RIF1: variants seen among roughly 807,000 people sequenced by gnomAD.
The protein encoded by RIF1 is telomere-associated protein RIF1.
In RIF1, 45 loss-of-function variants were observed where a neutral mutation model predicts 247.1. That is an observed-to-expected ratio of 0.18 (90% CI 0.14 to 0.23). RIF1 has a LOEUF of 0.23. Among genes scored for constraint, RIF1 ranks in the 10% least tolerant of loss-of-function variants. The probability of loss-of-function intolerance (pLI) is 1.00; values close to 1 mark genes in which losing one functional copy is unlikely to be tolerated. For synonymous variants in RIF1, 1,087 were observed against 978.8 expected (o/e 1.11, Z -2.06); for missense variants, 2,967 against 2,862.5 (o/e 1.04, Z -0.83).
chr2:151,482,961 G>A (rs1163085489), downstream of RIF1, among the ~76,000 whole-genome samples: 1 of 151,994 alleles, frequency 6.6e-6, no homozygotes, highest in African/African-American at 2.4e-5. Context: ...TTCTACCTAT[G>A]TGCCTGTGTA....
At chr2:151,447,245 T>G (rs1038934024) in intron 20 of RIF1, among the ~76,000 whole-genome samples, 1 of 152,178 alleles carries the variant, frequency 6.6e-6, no homozygotes, top group Admixed American at 6.5e-5. Context: ...GCCCGGCCTC[T>G]TTCTTTCCCT....
chr2:151,514,679 G>A, the RIF1 span: 1 of 654,702 alleles, frequency 1.5e-6, no homozygotes, highest in African/African-American at 1.8e-5. Context: ...TAGATTAGGT[G>A]GTAGTACCAA....
chr2:151,490,745 A>G (rs2055817732), intron 9 of RIF1, among the ~76,000 whole-genome samples: 1 of 152,242 alleles, frequency 6.6e-6, no homozygotes, highest in Non-Finnish European at 1.5e-5. Context: ...TAAGTTGTAC[A>G]GCCAGGTTTC....
At chr2:151,474,551 C>T (rs189142596) in intron 35 of RIF1, among the ~76,000 whole-genome samples, 34 of 152,228 alleles carry the variant, frequency 2.2e-4, no homozygotes, top group African/African-American at 8.2e-4. Flanking sequence ...TGGTGCATGC[C>T]AGTAATCCCA....
chr2:151,468,834 TCATGTTTAGAATTGATTGG>T (rs1697363006), intron 33 of RIF1, 78 bp downstream of exon 33: 6 of 1,042,100 alleles, frequency 5.8e-6, no homozygotes, highest in Middle Eastern at 2.1e-4. Flanking sequence ...TGCTTGGTTC[TCATGTTTAGAATTGATTGG>T]CATGTACTCT....
chr2:151,471,703 G>A (rs907288481), intron 34 of RIF1, among the ~76,000 whole-genome samples: 1 of 152,064 alleles, frequency 6.6e-6, no homozygotes, highest in South Asian at 2.1e-4. Context: ...TATTTCTGAG[G>A]GCTCTGTTCT....
intron 13 of RIF1, chr2:151,507,065 C>A (rs1456325972): frequency 8.9e-7 from 1 of 1,122,430 alleles, no homozygotes; most frequent in East Asian, 2.4e-5. Context: ...GCTTTGTTTT[C>A]TTTATTTGTC....
Position 151,497,067 on chromosome 2 carries a change from A to ATGAG in RIF1, c.*513+1743_*513+1746dup, listed in dbSNP as rs201482443. 1.2e-3 allele frequency: 1,921 copies of ATGAG among 1,546,176 alleles called. 25 individuals carry two copies. The African/African-American group carries it at 0.023, about 19-fold the overall frequency. ...TAAGAAAGCAACCAGAAAAACAACCATGAGTAACATTTCATTTGTTGAAAG... is the reference window on the plus strand; with the variant it reads ...TAAGAAAGCAACCAGAAAAACAACCATGAGTGAGTAACATTTCATTTGTTGAAAG... On this transcript the variant is annotated intron_variant and NMD_transcript_variant, in intron 10 of 13. Coordinates refer to the RIF1 transcript ENST00000454583.
At chr2:151,533,557 A>G in the RIF1 span, 1 of 1,521,878 alleles carries the variant, frequency 6.6e-7, no homozygotes, top group Non-Finnish European at 8.9e-7. Context: ...CTGTCCATGC[A>G]AAGAGCAGTG....
chr2:151,500,593 C>CTTT (rs11428843), intron 11 of RIF1, among the ~76,000 whole-genome samples: 25 of 118,424 alleles, frequency 2.1e-4, no homozygotes, highest in Non-Finnish European at 3.4e-4. Context: ...TTCTTTCTTC[C>CTTT]TTTTTTTTTT....
In RIF1 at chr2:151,420,275, C is replaced by G. The variant is rs775508676; in HGVS notation, c.589C>G (p.Gln197Glu). 6.2e-7 allele frequency: 1 copy of G among 1,614,140 alleles called. No individual in the cohort carries two copies. The highest frequency in any genetic ancestry group is 8.5e-7 in the Non-Finnish European group (1 of 1,180,010). ...LVIPLVVHSA[Q>E]KVHLRGATAL... ...CATACCTTTAGTGGTTCATTCAGCA[C>G]AAAAGGTACATTTGCGGGGAGCAAC... Residue 197 changes from glutamine to glutamate, a missense_variant, in exon 7 of 36, where the codon CAA (glutamine) becomes GAA (glutamate). Gln to Glu is a conservative substitution (Grantham distance 29). Coordinates refer to ENST00000444746, the MANE Select transcript of RIF1 (RefSeq NM_018151.5).
chr2:151,465,011 A>G lies in RIF1; in HGVS notation c.5491A>G (p.Ile1831Val), dbSNP rs1394332744. 5.1e-6 allele frequency: 8 copies of G among 1,578,482 alleles called. No homozygotes were observed. In the South Asian group the frequency reaches 6.0e-5, roughly 12 times the overall value. The change falls in exon 30 of 36, where the codon ATA becomes GTA. Residue 1831 changes from isoleucine (I) to valine (V), a missense_variant. This residue lies in a region of RIF1 where 2,028 missense variants were observed against 1,825.6 expected (regional missense o/e 1.11). Transcript: ENST00000444746. ...NTMQESLPSG[I>V]VNFREEICDM... ...TATGCAAGAATCTCTTCCTTCTGGA[A>G]TAGTAAACTTTAGAGAGGAAATTTG...
rs779835323 is a variant in RIF1 at position 151,442,011 on chromosome 2, TATG to T, written c.1734+25_1734+27del. 2.5e-5 allele frequency: 27 copies of T among 1,064,154 alleles called. No individual in the cohort carries two copies. In the South Asian group the frequency reaches 2.8e-4, roughly 11 times the overall value. 65.9% of individuals were successfully genotyped at this position (1,064,154 alleles called of 1,614,324 possible). A position where few individuals can be genotyped will look rare whatever the true frequency, so the allele number is the denominator to read the frequency against. On this transcript the variant is annotated intron_variant, in intron 16 of 35. Coordinates refer to ENST00000444746, the MANE Select transcript of RIF1 (RefSeq NM_018151.5). The stretch of plus-strand genomic sequence containing the variant: ...CTTAATGCAAGTATCTTAAATGTAA[TATG>T]ATGAAGATTGGCCAAAAACATTTAT...
chr2:151,460,730 A>G (rs758566859), intron 26 of RIF1, among the ~76,000 whole-genome samples: 3 of 152,234 alleles, frequency 2.0e-5, no homozygotes, highest in Non-Finnish European at 2.9e-5. Context: ...TCCAATGAAC[A>G]TTTATTAAGA....
At chr2:151,442,012 A>G (rs763970485) in intron 16 of RIF1, 21 bp downstream of exon 16, 58 of 986,658 alleles carry the variant, frequency 5.9e-5, no homozygotes, top group Admixed American at 7.9e-5. Context: ...TAAATGTAAT[A>G]TGATGAAGAT....
the RIF1 span, chr2:151,513,606 T>C: frequency 1.2e-6 from 2 of 1,609,342 alleles, no homozygotes; most frequent in African/African-American, 2.7e-5. Context: ...GTAGCATTCC[T>C]GGCCCTCATA....
chr2:151,463,648 A>G lies in RIF1; in HGVS notation c.4128A>G (p.Lys1376=). ...VLLETNTVEE[K]NVEINLESKE... ...TGGAAACTAATACTGTAGAGGAGAA[A>G]AATGTAGAAATTAATTTGGAATCCA... The change falls in exon 30 of 36, where the codon AAA becomes AAG. Residue 1376 remains lysine, a synonymous_variant. Coordinates refer to ENST00000444746, the MANE Select transcript of RIF1 (RefSeq NM_018151.5). The G allele has an allele frequency of 6.2e-7, 1 of 1,613,900 alleles. No individual in the cohort carries two copies. Among genetic ancestry groups the G allele is most frequent in the African/African-American group, 1.3e-5 (1 of 75,042 alleles).
At chr2:151,462,489 T>G in intron 29 of RIF1, 23 bp downstream of exon 29, 2 of 1,516,476 alleles carry the variant, frequency 1.3e-6, no homozygotes, top group Non-Finnish European at 1.8e-6. Context: ...TTTCATATTT[T>G]GGGCTTTTTA....
chr2:151,436,792 T>A, intron 11 of RIF1, 35 bp from the exon 12 acceptor site: 2 of 1,486,952 alleles, frequency 1.3e-6, no homozygotes, highest in Non-Finnish European at 1.8e-6. Flanking sequence ...AAAATGAGCT[T>A]GTATGACTTA....
Sources: allele counts gnomAD v4.1 joint callset (sites outside exome capture counted in the v4.1 genomes callset), GRCh38; gene constraint gnomAD v4.1.1; regional missense constraint gnomAD v4.1.1; transcripts MANE v1.5; gene names NCBI Gene and HGNC (gene_info 2026-07-23, HGNC 2026-07-21).